The following CDH13 variants were observed in gnomAD, a reference collection of about 807,000 sequenced individuals.
The protein encoded by CDH13 is cadherin-13.
In CDH13, 24 loss-of-function variants were observed where a neutral mutation model predicts 63.8. That is an observed-to-expected ratio of 0.38 (90% CI 0.27 to 0.53). The LOEUF (loss-of-function observed/expected upper bound fraction) is 0.53. Ranked by LOEUF, CDH13 falls within the 20% of genes least tolerant of loss-of-function variation. The pLI is 0.85. For synonymous variants in CDH13, 503 were observed against 355.3 expected (o/e 1.42, Z -4.67); for missense variants, 1,049 against 903.1 (o/e 1.16, Z -2.07).
chr16:82,676,484 TTC>T (rs1456434656), intron 1 of CDH13, among the ~76,000 whole-genome samples: 10 of 129,998 alleles, frequency 7.7e-5, no homozygotes, highest in Non-Finnish European at 1.5e-4. Flanking sequence ...CTACCATCAT[TTC>T]TTTTTTTTTT....
At chr16:83,709,083 C>T (rs1432102820) in intron 10 of CDH13, among the ~76,000 whole-genome samples, 4 of 151,988 alleles carry the variant, frequency 2.6e-5, no homozygotes, top group Non-Finnish European at 5.9e-5. Context: ...GCAGGAGGGT[C>T]AGAGTCAGAG....
chr16:82,647,593 G>A (rs939446537), intron 1 of CDH13, among the ~76,000 whole-genome samples: 1 of 151,740 alleles, frequency 6.6e-6, no homozygotes, highest in Non-Finnish European at 1.5e-5. Context: ...CCACCTGAGG[G>A]GCATGGGAGC....
chr16:83,771,007 C>G (rs1002598629), intron 11 of CDH13, among the ~76,000 whole-genome samples: 2 of 152,086 alleles, frequency 1.3e-5, no homozygotes, highest in African/African-American at 4.8e-5. Context: ...GTTAGAGCAC[C>G]TTGGACATTT....
chr16:82,805,093 A>G (rs1401795472), intron 1 of CDH13, among the ~76,000 whole-genome samples: 2 of 152,144 alleles, frequency 1.3e-5, no homozygotes, highest in African/African-American at 2.4e-5. Context: ...AGTAGAAGAG[A>G]GTGTGGACTT....
intron 4 of CDH13, among the ~76,000 whole-genome samples, chr16:83,163,072 C>G (rs1466742967): frequency 6.6e-6 from 1 of 152,056 alleles, no homozygotes; most frequent in African/African-American, 2.4e-5. Context: ...GTGAATAAGC[C>G]TCACAAGATC....
intron 2 of CDH13, chr16:82,859,492 A>C (rs953745577): frequency 6.6e-6 from 1 of 152,094 alleles, no homozygotes; most frequent in Non-Finnish European, 1.5e-5. Context: ...CAGGAGGTGG[A>C]GGCTGCAGTG....
rs75085522 is a variant in CDH13, at chr16:82,973,477, C to T, written c.158-58533C>T. Among the ~76,000 whole-genome samples, 4 of 152,316 alleles carry T rather than the reference C, an allele frequency of 2.6e-5. No homozygotes were observed. In the East Asian group the frequency reaches 5.8e-4, roughly 22 times the overall value. On this transcript the variant is annotated intron_variant, in intron 2 of 13. Coordinates refer to ENST00000567109, the MANE Select transcript of CDH13 (RefSeq NM_001257.5). ...TCAATTTAACAAAACACATATTAGG[C>T]ACCTACTGTGAGGCAGGCATTGTGC...
rs538230523 is a variant in CDH13 at position 82,965,076 on chromosome 16, C to G, written c.158-66934C>G. Among the ~76,000 whole-genome samples, 3 of 152,326 alleles carry G rather than the reference C, an allele frequency of 2.0e-5. No homozygotes were observed. In the East Asian group the frequency reaches 5.8e-4, roughly 29 times the overall value. On this transcript the variant is annotated intron_variant, in intron 2 of 13. Transcript: ENST00000567109. ...TTCAAAGTAAATAAAAAGTAGCTCC[C>G]CTTTCTTCAAAAATGTTAAAACTGA...
intron 3 of CDH13, among the ~76,000 whole-genome samples, chr16:83,103,448 G>A (rs773509843): frequency 4.0e-5 from 6 of 151,648 alleles, no homozygotes; most frequent in Non-Finnish European, 7.4e-5. Flanking sequence ...GTTTCACCAT[G>A]TTGGCCAGGC....
intron 1 of CDH13, among the ~76,000 whole-genome samples, chr16:82,713,685 C>T (rs2151010636): frequency 6.6e-6 from 1 of 151,892 alleles, no homozygotes; most frequent in Admixed American, 6.6e-5. Context: ...AAATGCATAC[C>T]AGAAAAACAG....
intron 5 of CDH13, among the ~76,000 whole-genome samples, chr16:83,299,946 A>G (rs1392592035): frequency 9.9e-5 from 15 of 152,220 alleles, no homozygotes; most frequent in Non-Finnish European, 2.2e-4. Context: ...GATGAGGGCA[A>G]GGTCTACCTG....
intron 5 of CDH13, among the ~76,000 whole-genome samples, chr16:83,269,158 A>C (rs2088718769): frequency 6.6e-6 from 1 of 152,216 alleles, no homozygotes; most frequent in Non-Finnish European, 1.5e-5. Context: ...AGTTTTTGGA[A>C]ATGTGAGGCT....
At chr16:83,323,894 C>T (rs531048302) in intron 5 of CDH13, among the ~76,000 whole-genome samples, 9 of 152,296 alleles carry the variant, frequency 5.9e-5, no homozygotes, top group Admixed American at 3.3e-4. Flanking sequence ...TCCTCCCTTA[C>T]CTCTTGACCC....
At chr16:83,735,571 C>G (rs1307722849) in intron 10 of CDH13, 2 of 152,174 alleles carry the variant, frequency 1.3e-5, no homozygotes, top group East Asian at 1.9e-4. Flanking sequence ...GAATTTGACT[C>G]TTTTAGATTC....
chr16:83,020,959 A>G (rs1023035374), intron 2 of CDH13, among the ~76,000 whole-genome samples: 6 of 152,236 alleles, frequency 3.9e-5, no homozygotes, highest in African/African-American at 1.4e-4. Flanking sequence ...CTCTCTTCAC[A>G]TTAATTTACC....
chr16:83,627,744 G>T (rs1317898103), intron 8 of CDH13, among the ~76,000 whole-genome samples: 1 of 152,056 alleles, frequency 6.6e-6, no homozygotes, highest in Non-Finnish European at 1.5e-5. Flanking sequence ...CCCAAGAGAG[G>T]GTTCTTGGAT....
chr16:83,195,245 AGCTG>A (rs2038845860), intron 4 of CDH13, among the ~76,000 whole-genome samples: 1 of 152,134 alleles, frequency 6.6e-6, no homozygotes, highest in Non-Finnish European at 1.5e-5. Flanking sequence ...AAACAAAAGG[AGCTG>A]GTAATGATAG....
chr16:82,858,339 A>T (rs1375095718), intron 1 of CDH13, 23 bp from the exon 2 acceptor site: 1 of 1,531,976 alleles, frequency 6.5e-7, no homozygotes, highest in Admixed American at 1.7e-5. Flanking sequence ...CTATTAAAAT[A>T]TTGATGGCTT....
intron 2 of CDH13, among the ~76,000 whole-genome samples, chr16:83,009,252 G>C (rs761526251): frequency 2.7e-4 from 41 of 152,204 alleles, no homozygotes; most frequent in Non-Finnish European, 4.4e-5. Context: ...TCTTCTGAGA[G>C]GGGCTACTTC....
Sources: gnomAD v4.1 joint callset for allele counts (sites outside exome capture counted in the v4.1 genomes callset) on GRCh38, gnomAD v4.1.1 for gene constraint, MANE v1.5 for transcripts, NCBI Gene and HGNC (gene_info 2026-07-23, HGNC 2026-07-21) for gene names.